The following PITPNC1 variants were observed in gnomAD, a reference collection of about 807,000 sequenced individuals.
The protein encoded by PITPNC1 is phosphatidylinositol transfer protein cytoplasmic 1.
A neutral mutation model predicts 44.7 loss-of-function variants in PITPNC1; 18 were observed. The observed-to-expected ratio is 0.40, with a 90% CI of 0.28 to 0.60. PITPNC1 has a LOEUF of 0.60. Among genes scored for constraint, PITPNC1 ranks in the 20% least tolerant of loss-of-function variants. The probability of loss-of-function intolerance (pLI) is 0.39; values close to 1 mark genes in which losing one functional copy is unlikely to be tolerated. For synonymous variants in PITPNC1, 141 were observed against 149.6 expected, an observed-to-expected ratio of 0.94 and a Z score of 0.42; for missense variants, 290 against 418.4, an observed-to-expected ratio of 0.69 and a Z score of 2.68.
At chr17:67,390,935 C>T (rs536113796) in intron 1 of PITPNC1, among the ~76,000 whole-genome samples, 3 of 152,266 alleles carry the variant, frequency 2.0e-5, no homozygotes, top group African/African-American at 7.2e-5. Flanking sequence ...TCTTTCATTT[C>T]CCAGCACTTT....
At chr17:67,499,031 C>G (rs1350581750) in intron 1 of PITPNC1, among the ~76,000 whole-genome samples, 1 of 152,046 alleles carries the variant, frequency 6.6e-6, no homozygotes, top group East Asian at 1.9e-4. Context: ...GCCACCATGC[C>G]TGGCTAATTT....
At chr17:67,672,479 G>T (rs2042531650) in intron 7 of PITPNC1, among the ~76,000 whole-genome samples, 2 of 151,506 alleles carry the variant, frequency 1.3e-5, no homozygotes, top group South Asian at 4.2e-4. Flanking sequence ...GGTGACTGTA[G>T]TCCCAGCTAC....
At chr17:67,626,039 T>C (rs2041892052) in intron 5 of PITPNC1, among the ~76,000 whole-genome samples, 1 of 151,606 alleles carries the variant, frequency 6.6e-6, no homozygotes, top group African/African-American at 2.4e-5. Context: ...CAGGATGAAG[T>C]GTAGTGGCGT....
intron 1 of PITPNC1, among the ~76,000 whole-genome samples, chr17:67,422,299 CAG>C (rs1282464525): frequency 6.6e-5 from 10 of 152,188 alleles, no homozygotes; most frequent in African/African-American, 2.4e-4. Context: ...TATGGAGAGA[CAG>C]AGATTTGGAG....
rs73997212 is a variant in PITPNC1 at position 67,657,865 on chromosome 17, T to C, written c.463-11643T>C. On this transcript the variant is annotated intron_variant, in intron 6 of 8. Transcript: ENST00000581322. ...CAGTCCCGACAATTCTCAACTGCTT[T>C]GGAAATGCAATCCACTGGTGTTCCA... Among the ~76,000 whole-genome samples, 431 of 152,364 alleles carry C rather than the reference T, an allele frequency of 2.8e-3. 2 individuals carry two copies. Among genetic ancestry groups the C allele is most frequent in the African/African-American group, 0.01 (420 of 41,590 alleles).
At chr17:67,543,416 G>A (rs539687104) in intron 2 of PITPNC1, among the ~76,000 whole-genome samples, 4 of 152,232 alleles carry the variant, frequency 2.6e-5, no homozygotes, top group Non-Finnish European at 5.9e-5. Flanking sequence ...TGGCTGCACT[G>A]TTTTATATTC....
chr17:67,657,783 C>T (rs2042289573), intron 6 of PITPNC1, among the ~76,000 whole-genome samples: 1 of 152,212 alleles, frequency 6.6e-6, no homozygotes, highest in Non-Finnish European at 1.5e-5. Flanking sequence ...GCATCTACAT[C>T]GTTTTTGCTG....
intron 1 of PITPNC1, among the ~76,000 whole-genome samples, chr17:67,495,294 A>G (rs12937030): frequency 0.65 from 98,553 of 151,538 alleles, 32,012 homozygotes; most frequent in East Asian, 0.72. Flanking sequence ...TCCTTACCTC[A>G]TGATCCGTCC....
intron 8 of PITPNC1, among the ~76,000 whole-genome samples, chr17:67,691,857 A>G (rs1453088511): frequency 6.6e-6 from 1 of 152,014 alleles, no homozygotes; most frequent in African/African-American, 2.4e-5. Flanking sequence ...AATACAAAAA[A>G]ATTAAACCAG....
At chr17:67,679,243 C>G (rs1361238655) in intron 8 of PITPNC1, among the ~76,000 whole-genome samples, 4 of 152,200 alleles carry the variant, frequency 2.6e-5, no homozygotes, top group Admixed American at 1.3e-4. Context: ...ATAGAGCGAG[C>G]CTTTGTCTCT....
chr17:67,453,198 A>T (rs1229511571), intron 1 of PITPNC1, among the ~76,000 whole-genome samples: 1 of 152,200 alleles, frequency 6.6e-6, no homozygotes, highest in Non-Finnish European at 1.5e-5. Context: ...CCAATTTTCA[A>T]ATATTTTAGG....
chr17:67,525,960 TCC>T (rs1555661868), intron 1 of PITPNC1, among the ~76,000 whole-genome samples: 1 of 152,160 alleles, frequency 6.6e-6, no homozygotes, highest in Non-Finnish European at 1.5e-5. Flanking sequence ...TGATATGGCG[TCC>T]GCCCATTTTG....
At chr17:67,631,673 A>ATAT (rs1380540532) in intron 5 of PITPNC1, among the ~76,000 whole-genome samples, 713 of 52,424 alleles carry the variant, frequency 0.014, 51 homozygotes, top group African/African-American at 0.043. Context: ...TATATATATA[A>ATAT]AATATATATT....
chr17:67,622,941 G>A (rs1376243269), intron 5 of PITPNC1, among the ~76,000 whole-genome samples: 1 of 151,864 alleles, frequency 6.6e-6, no homozygotes, highest in Non-Finnish European at 1.5e-5. Flanking sequence ...TTAACTAGCA[G>A]CCAGTATACC....
intron 1 of PITPNC1, among the ~76,000 whole-genome samples, chr17:67,530,135 A>G (rs1295682505): frequency 1.7e-5 from 2 of 120,382 alleles, no homozygotes; most frequent in African/African-American, 6.6e-5. Flanking sequence ...TCTGTCATCC[A>G]GACTAGAGAG....
intron 5 of PITPNC1, among the ~76,000 whole-genome samples, chr17:67,579,806 G>T (rs936159721): frequency 2.0e-5 from 3 of 151,842 alleles, no homozygotes; most frequent in African/African-American, 7.3e-5. Flanking sequence ...CGGGCGTGGT[G>T]GCGCATGCCT....
At chr17:67,688,603 G>A (rs1248043238) in intron 8 of PITPNC1, among the ~76,000 whole-genome samples, 1 of 152,058 alleles carries the variant, frequency 6.6e-6, no homozygotes, top group East Asian at 1.9e-4. Flanking sequence ...GGAGCAAGAG[G>A]CGTTTCCTCT....
chr17:67,687,014 T>C, intron 8 of PITPNC1: 2 of 1,003,756 alleles, frequency 2.0e-6, no homozygotes, highest in East Asian at 2.4e-5. Context: ...AGTGTCCCCA[T>C]TGAAAGTTTG....
At chr17:67,586,625 C>G (rs536584409) in intron 5 of PITPNC1, among the ~76,000 whole-genome samples, 2 of 151,802 alleles carry the variant, frequency 1.3e-5, no homozygotes, top group Admixed American at 6.6e-5. Context: ...ACTAAACTTG[C>G]GAAGATTGTG....
Sources: gnomAD v4.1 joint callset for allele counts (sites outside exome capture counted in the v4.1 genomes callset) on GRCh38, gnomAD v4.1.1 for gene constraint, MANE v1.5 for transcripts, NCBI Gene and HGNC (gene_info 2026-07-23, HGNC 2026-07-21) for gene names.